The following VEPH1 variants were observed in gnomAD, a reference collection of about 807,000 sequenced individuals.
VEPH1 encodes the protein ventricular zone-expressed PH domain-containing protein homolog 1.
Under a neutral mutation model 85.2 loss-of-function variants are expected in VEPH1, and 80 were observed. The ratio of observed to expected loss-of-function variants is 0.94; its 90% CI spans 0.78 to 1.13. The LOEUF (loss-of-function observed/expected upper bound fraction) is 1.13. Among genes scored for constraint, VEPH1 ranks in the 50% most tolerant of loss-of-function variants. VEPH1 has a pLI of 0.00. For synonymous variants in VEPH1, 297 were observed against 348.0 expected (o/e 0.85, Z 1.63); for missense variants, 955 against 980.5 (o/e 0.97, Z 0.35).
At chr3:157,261,436 G>C in intron 13 of VEPH1, 66 bp from the exon 14 acceptor site, 2 of 1,576,166 alleles carry the variant, frequency 1.3e-6, no homozygotes, top group Non-Finnish European at 1.7e-6. Flanking sequence ...TCTGGCTACT[G>C]GAGAACTTTC....
At chr3:157,279,705 C>A (rs1715835778) in intron 12 of VEPH1, among the ~76,000 whole-genome samples, 1 of 152,048 alleles carries the variant, frequency 6.6e-6, no homozygotes, top group Admixed American at 6.6e-5. Flanking sequence ...TGACTTTATT[C>A]TCTGTGGCTG....
chr3:157,303,619 C>T (rs900142292), intron 11 of VEPH1, among the ~76,000 whole-genome samples: 1 of 152,100 alleles, frequency 6.6e-6, no homozygotes, highest in African/African-American at 2.4e-5. Context: ...AAAGAGTGTC[C>T]CAGACATTTG....
chr3:157,495,825 C>T lies in VEPH1; in HGVS notation c.-157-319G>A, dbSNP rs556694943. Among the ~76,000 whole-genome samples the T allele has an allele frequency of 8.5e-5, 13 of 152,266 alleles. No individual in the cohort carries two copies. In the East Asian group the frequency reaches 2.5e-3, roughly 29 times the overall value. ...AAACAACAATCATGCCTAACACTTG[C>T]CAGATTTTCCTCAAAAAGATTCTCA... On this transcript the variant is annotated intron_variant, in intron 1 of 13. Coordinates refer to ENST00000362010, the MANE Select transcript of VEPH1 (RefSeq NM_001167912.2).
chr3:157,313,469 C>G lies in VEPH1; in HGVS notation c.2010+152G>C, dbSNP rs145320902. On this transcript the variant is annotated intron_variant, in intron 11 of 13. Coordinates refer to ENST00000362010, the MANE Select transcript of VEPH1 (RefSeq NM_001167912.2). Reference sequence around the variant, plus strand: ...ACTCTATTCTGAATCTACTATACCACGTGAAAATAATTTCTTACAAGTGTT... The same window carrying G: ...ACTCTATTCTGAATCTACTATACCAGGTGAAAATAATTTCTTACAAGTGTT... 357 of 973,404 alleles carry G rather than the reference C, an allele frequency of 3.7e-4. 1 individual carries two copies. The East Asian group carries it at 8.5e-3, about 23-fold the overall frequency. 60.3% of individuals were successfully genotyped at this position (973,404 alleles called of 1,614,324 possible).
At chr3:157,283,154 A>G (rs926982573) in intron 12 of VEPH1, among the ~76,000 whole-genome samples, 2 of 152,212 alleles carry the variant, frequency 1.3e-5, no homozygotes, top group Non-Finnish European at 2.9e-5. Flanking sequence ...ATAATATATT[A>G]TAACATTACT....
At chr3:157,288,511 T>C (rs916481093) in intron 11 of VEPH1, among the ~76,000 whole-genome samples, 1 of 152,178 alleles carries the variant, frequency 6.6e-6, no homozygotes. Context: ...ATTTTTTTTT[T>C]TCATAATACC....
At position 157,305,075 on chromosome 3, in the gene VEPH1, T is replaced by TCTATCTTC. The variant is rs1393296423; in HGVS notation, c.2010+8545_2010+8546insGAAGATAG. Among the ~76,000 whole-genome samples the TCTATCTTC allele has an allele frequency of 2.7e-5, 4 of 148,726 alleles. No homozygotes were observed. In the East Asian group the frequency reaches 8.0e-4, roughly 30 times the overall value. On this transcript the variant is annotated intron_variant, in intron 11 of 13. Transcript: ENST00000362010. ...ATCTATCTATCTATCTATCTTCCTA[T>TCTATCTTC]CTCTCTATTTCATCTATCTATCTGT...
chr3:157,437,947 T>G, intron 4 of VEPH1: 1 of 1,523,384 alleles, frequency 6.6e-7, no homozygotes, highest in African/African-American at 1.4e-5. Context: ...GACCTCCCAC[T>G]GCGGCTTTGT....
chr3:157,402,993 C>T (rs200602798), intron 6 of VEPH1, among the ~76,000 whole-genome samples: 2 of 152,158 alleles, frequency 1.3e-5, no homozygotes, highest in East Asian at 1.9e-4. Flanking sequence ...GTTCCTAAGC[C>T]CTACTCACTA....
intron 9 of VEPH1, among the ~76,000 whole-genome samples, chr3:157,333,002 T>G (rs2108610241): frequency 6.6e-6 from 1 of 152,266 alleles, no homozygotes; most frequent in South Asian, 2.1e-4. Flanking sequence ...TCATTTCTGA[T>G]TGGGTGGCTG....
chr3:157,432,016 T>G (rs1345692072), intron 4 of VEPH1, among the ~76,000 whole-genome samples: 2 of 151,664 alleles, frequency 1.3e-5, no homozygotes. Context: ...CCCAGCTAAT[T>G]TTTTTGTATT....
rs762966806 is a variant in VEPH1 at position 157,428,348 on chromosome 3, C to T, written c.670G>A (p.Val224Ile). ...TCGAGTTGTTTTTTCTTTGCTGCTA[C>T]ATGCAAAAGCCGTAGTAGATGGTAC... ...EQYHLLRLLH[V>I]AAKKKQLEVV... Residue 224 changes from valine to isoleucine, a missense_variant, in exon 5 of 14, where the codon GTA becomes ATA. Coordinates refer to ENST00000362010, the MANE Select transcript of VEPH1 (RefSeq NM_001167912.2). 6 of 1,613,786 alleles carry T rather than the reference C, an allele frequency of 3.7e-6. No homozygotes were observed. In the South Asian group the frequency reaches 5.5e-5, roughly 15 times the overall value.
At position 157,464,089 on chromosome 3, in the gene VEPH1, A is replaced by G. The variant is rs557916785; in HGVS notation, c.355-3734T>C. Reference sequence around the variant, plus strand: ...AAACATGTGGTGTTTAGAAAAGCTAATTGATTTGGTCATTTTTCTCAATTA... The same window carrying G: ...AAACATGTGGTGTTTAGAAAAGCTAGTTGATTTGGTCATTTTTCTCAATTA... On this transcript the variant is annotated intron_variant, in intron 3 of 13. Coordinates refer to ENST00000362010, the MANE Select transcript of VEPH1 (RefSeq NM_001167912.2). Among the ~76,000 whole-genome samples, 162 of 152,320 alleles carry G rather than the reference A, an allele frequency of 1.1e-3. 1 individual carries two copies. Among genetic ancestry groups the G allele is most frequent in the African/African-American group, 3.6e-3 (149 of 41,568 alleles).
chr3:157,396,728 C>G (rs764518545), intron 6 of VEPH1, among the ~76,000 whole-genome samples: 1 of 152,138 alleles, frequency 6.6e-6, no homozygotes, highest in Non-Finnish European at 1.5e-5. Context: ...TTGTTGATCA[C>G]ATGTATGTCT....
intron 5 of VEPH1, chr3:157,415,404 G>A (rs558674947): frequency 5.3e-5 from 8 of 152,202 alleles, no homozygotes; most frequent in Admixed American, 1.3e-4. Context: ...GAAAATGTAG[G>A]GCTCTGTGAA....
chr3:157,422,515 ACTC>A (rs1732421459), intron 5 of VEPH1, among the ~76,000 whole-genome samples: 1 of 151,888 alleles, frequency 6.6e-6, no homozygotes, highest in Non-Finnish European at 1.5e-5. Context: ...CACTGAGGAA[ACTC>A]CTCCTCTTGT....
chr3:157,335,478 AC>A (rs1233148554), intron 9 of VEPH1, among the ~76,000 whole-genome samples: 1 of 152,226 alleles, frequency 6.6e-6, no homozygotes, highest in Non-Finnish European at 1.5e-5. Flanking sequence ...GAAAACTGAG[AC>A]AGGAAAGGAG....
At chr3:157,388,494 G>A (rs1729531684) in intron 6 of VEPH1, among the ~76,000 whole-genome samples, 1 of 152,020 alleles carries the variant, frequency 6.6e-6, no homozygotes, top group African/African-American at 2.4e-5. Context: ...CTTAATCATG[G>A]GCAAATCAGG....
intron 5 of VEPH1, among the ~76,000 whole-genome samples, chr3:157,425,282 C>G (rs962275568): frequency 1.3e-5 from 2 of 152,214 alleles, no homozygotes; most frequent in Non-Finnish European, 2.9e-5. Flanking sequence ...GATGTCCAGA[C>G]AGAAGTTTGC....
Sources: gnomAD v4.1 joint callset for allele counts (sites outside exome capture counted in the v4.1 genomes callset) on GRCh38, gnomAD v4.1.1 for gene constraint, MANE v1.5 for transcripts, NCBI Gene and HGNC (gene_info 2026-07-23, HGNC 2026-07-21) for gene names.